The following ERICH6 variants were observed in gnomAD, a reference collection of about 807,000 sequenced individuals.
ERICH6 encodes the protein glutamate rich 6.
In ERICH6, 71 loss-of-function variants were observed where a neutral mutation model predicts 71.0. The ratio of observed to expected loss-of-function variants is 1.00; its 90% CI spans 0.83 to 1.22. The LOEUF is 1.22. Ranked by LOEUF, ERICH6 falls within the 50% of genes most tolerant of loss-of-function variation. The pLI, the probability that ERICH6 is intolerant of heterozygous loss-of-function variation, is 0.00. For missense variants in ERICH6, 808 were observed against 797.2 expected, an observed-to-expected ratio of 1.01 and a Z score of -0.16; for synonymous variants, 262 against 278.4, an observed-to-expected ratio of 0.94 and a Z score of 0.59.
At chr3:150,669,569 A>C in intron 11 of ERICH6, 118 bp from the exon 12 acceptor site, 1 of 1,070,328 alleles carries the variant, frequency 9.3e-7, no homozygotes, top group Non-Finnish European at 1.3e-6. Context: ...GGGAGGTACT[A>C]TATTAATACA....
At position 150,703,782 on chromosome 3, in the gene ERICH6, T is replaced by TTCCTCCTCCTCCTCCACCTCTTCC. The variant is rs1713056932; in HGVS notation, c.93_116dup (p.Glu33_Glu40dup). On this transcript the variant is annotated inframe_insertion, in exon 1 of 14. Transcript: ENST00000295910. ...CCTCTTCCTCCTCCTCCTCCACCTC[T>TTCCTCCTCCTCCTCCACCTCTTCC]TCCTCCTCCTCCTCCACCTCTTCCT... 6 of 1,559,116 alleles carry TTCCTCCTCCTCCTCCACCTCTTCC rather than the reference T, an allele frequency of 3.8e-6. No individual in the cohort carries two copies. The highest frequency in any genetic ancestry group is 5.2e-6 in the Non-Finnish European group (6 of 1,154,312).
intron 6 of ERICH6, 129 bp downstream of exon 6, chr3:150,685,613 A>G: frequency 1.3e-6 from 1 of 773,050 alleles, no homozygotes; most frequent in Non-Finnish European, 2.0e-6. Context: ...GTGCTATTCT[A>G]AGTAATTGAG....
chr3:150,667,990 A>T (rs532086063), intron 12 of ERICH6, among the ~76,000 whole-genome samples: 1 of 152,322 alleles, frequency 6.6e-6, no homozygotes, highest in South Asian at 2.1e-4. Flanking sequence ...ATGAAATAAT[A>T]TGAAGTTACA....
At position 150,680,819 on chromosome 3, in the gene ERICH6, C is replaced by T. The variant is rs753077973; in HGVS notation, c.994G>A (p.Gly332Ser). The T allele has an allele frequency of 2.7e-5, 43 of 1,613,878 alleles. No individual in the cohort carries two copies. In the South Asian group the frequency reaches 3.8e-4, roughly 14 times the overall value. ...GCCTTGAGTCTGTCGACCTCACTAC[C>T]ATGGGCTGCATGAGGGTCAATAGCA... The part of the protein sequence containing the change: ...LIAIDPHAAH[G>S]SEVDRLKAKE... Residue 332 changes from glycine (G) to serine (S), a missense_variant, in exon 8 of 14, where the codon GGT (glycine) becomes AGT (serine). Gly to Ser is a moderately conservative substitution (Grantham distance 56). This residue lies in a region of ERICH6 where 736 missense variants were observed against 712.2 expected (regional missense o/e 1.03). Transcript: ENST00000295910.
At chr3:150,677,619 C>A (rs534629166) in intron 10 of ERICH6, among the ~76,000 whole-genome samples, 13 of 151,994 alleles carry the variant, frequency 8.6e-5, no homozygotes, top group Non-Finnish European at 1.8e-4. Context: ...CCTCAGCCCC[C>A]CCAAGTGGCT....
At chr3:150,681,807 CTTTTTTTTTTTT>C (rs34909258) in intron 7 of ERICH6, among the ~76,000 whole-genome samples, 1 of 70,262 alleles carries the variant, frequency 1.4e-5, no homozygotes, top group Non-Finnish European at 2.5e-5. Context: ...ACACATAACT[CTTTTTTTTTTTT>C]TTTTTTTTTT....
chr3:150,697,931 T>C (rs1482991889), intron 3 of ERICH6, among the ~76,000 whole-genome samples: 1 of 152,216 alleles, frequency 6.6e-6, no homozygotes, highest in African/African-American at 2.4e-5. Context: ...CCTCTTGTTC[T>C]AGAAGGAGGC....
intron 11 of ERICH6, among the ~76,000 whole-genome samples, chr3:150,672,264 C>CACATATATATATATAT (rs1553752943): frequency 4.9e-5 from 6 of 123,620 alleles, no homozygotes; most frequent in Admixed American, 1.6e-4. Flanking sequence ...TTTATATATA[C>CACATATATATATATAT]ATATATATAT....
chr3:150,691,419 G>T (rs1712425129), intron 3 of ERICH6, among the ~76,000 whole-genome samples: 1 of 152,102 alleles, frequency 6.6e-6, no homozygotes, highest in African/African-American at 2.4e-5. Flanking sequence ...AAGGAACCAG[G>T]AAATAAGAGA....
intron 3 of ERICH6, among the ~76,000 whole-genome samples, chr3:150,688,766 C>T (rs1465529440): frequency 3.3e-5 from 5 of 152,156 alleles, no homozygotes; most frequent in African/African-American, 7.2e-5. Flanking sequence ...TGAGTTGTCC[C>T]GCCTTTGAGT....
At chr3:150,680,316 C>G in intron 9 of ERICH6, 152 bp downstream of exon 9, 2 of 716,568 alleles carry the variant, frequency 2.8e-6, no homozygotes, top group Non-Finnish European at 4.6e-6. Context: ...GATTCTCCCA[C>G]CTTGGCTTCC....
At chr3:150,694,132 T>C (rs3863073) in intron 3 of ERICH6, among the ~76,000 whole-genome samples, 92,270 of 151,950 alleles carry the variant, frequency 0.61, 29,151 homozygotes, top group Non-Finnish European at 0.7. Context: ...TTTTTCTTCA[T>C]AGGACATGAG....
intron 3 of ERICH6, among the ~76,000 whole-genome samples, chr3:150,692,723 G>A (rs867972929): frequency 4.5e-4 from 68 of 152,184 alleles, no homozygotes; most frequent in Middle Eastern, 6.8e-3. Context: ...TACCACAGAG[G>A]TAACAAATTT....
intron 12 of ERICH6, among the ~76,000 whole-genome samples, chr3:150,667,284 G>A (rs552070869): frequency 2.0e-5 from 3 of 152,302 alleles, no homozygotes; most frequent in South Asian, 2.1e-4. Flanking sequence ...AGGTTGAAGA[G>A]GGAGCAGGGA....
intron 10 of ERICH6, among the ~76,000 whole-genome samples, chr3:150,675,212 C>T (rs906845597): frequency 6.6e-6 from 1 of 152,158 alleles, no homozygotes; most frequent in African/African-American, 2.4e-5. Context: ...TGAAATTTTG[C>T]TTCACATATT....
intron 11 of ERICH6, among the ~76,000 whole-genome samples, chr3:150,672,897 T>C (rs983680750): frequency 6.6e-6 from 1 of 151,854 alleles, no homozygotes; most frequent in African/African-American, 2.4e-5. Flanking sequence ...TAGTGGTGCA[T>C]GCCTGTGGTC....
intron 10 of ERICH6, among the ~76,000 whole-genome samples, chr3:150,675,853 CTTT>C (rs1711631453): frequency 7.5e-6 from 1 of 132,704 alleles, no homozygotes; most frequent in Non-Finnish European, 1.6e-5. Context: ...TTCTTTCTTT[CTTT>C]CCTTTTTTTT....
intron 3 of ERICH6, among the ~76,000 whole-genome samples, chr3:150,693,993 C>T (rs1437497940): frequency 1.3e-5 from 2 of 152,144 alleles, no homozygotes; most frequent in South Asian, 2.1e-4. Flanking sequence ...ATAACAACAA[C>T]CTATTTACAT....
chr3:150,688,737 G>A (rs1712297845), intron 3 of ERICH6, among the ~76,000 whole-genome samples: 1 of 152,216 alleles, frequency 6.6e-6, no homozygotes, highest in South Asian at 2.1e-4. Flanking sequence ...CCTACGACCT[G>A]GGAGCCCCCT....
Sources: gnomAD v4.1 joint callset for allele counts (sites outside exome capture counted in the v4.1 genomes callset) on GRCh38, gnomAD v4.1.1 for gene constraint, gnomAD v4.1.1 regional missense constraint, MANE v1.5 for transcripts, NCBI Gene and HGNC (gene_info 2026-07-23, HGNC 2026-07-21) for gene names.